PRDM16: variants seen among roughly 807,000 people sequenced by gnomAD.
PRDM16 encodes the protein histone-lysine N-methyltransferase PRDM16.
PRDM16 carries 23 observed loss-of-function variants against 110.6 expected under a neutral mutation model. The observed-to-expected ratio is 0.21, with a 90% CI of 0.15 to 0.29. The LOEUF is 0.29. Among genes scored for constraint, PRDM16 ranks in the 10% least tolerant of loss-of-function variants. The pLI is 1.00. For synonymous variants in PRDM16, 799 were observed against 781.8 expected, an observed-to-expected ratio of 1.02 and a Z score of -0.37; for missense variants, 1,615 against 1,794.3, an observed-to-expected ratio of 0.90 and a Z score of 1.81.
rs1397643261 is a variant in PRDM16, at chr1:3,350,243, T to C, written c.439-34909T>C. ...CAGGAGGCTGAGGCAGGAGGATCGCTTGAGCTCAGGAGGTCCGGGCTACAG... is the reference window on the plus strand; with the variant it reads ...CAGGAGGCTGAGGCAGGAGGATCGCCTGAGCTCAGGAGGTCCGGGCTACAG... On this transcript the variant is annotated intron_variant, in intron 3 of 16. Transcript: ENST00000270722. The surrounding 1 kb of genome is among the most constrained non-coding windows in gnomAD (Gnocchi z 7.1). Among the ~76,000 whole-genome samples the C allele has an allele frequency of 6.6e-6, 1 of 152,198 alleles. No homozygotes were observed. Among genetic ancestry groups the C allele is most frequent in the Non-Finnish European group, 1.5e-5 (1 of 68,018 alleles).
intron 14 of PRDM16, among the ~76,000 whole-genome samples, chr1:3,426,962 G>A (rs1330101853): frequency 1.2e-5 from 1 of 85,460 alleles, no homozygotes. Flanking sequence ...ACATGTGCGT[G>A]CATAAACATG....
At chr1:3,385,373 A>G (rs1643178502) in intron 4 of PRDM16, 87 bp downstream of exon 4, 1 of 1,468,748 alleles carries the variant, frequency 6.8e-7, no homozygotes, top group African/African-American at 1.4e-5. Context: ...TGCCGAGGCA[A>G]GGGTTGTCTG....
At chr1:3,136,850 G>T (rs2100694005) in intron 1 of PRDM16, among the ~76,000 whole-genome samples, 1 of 152,330 alleles carries the variant, frequency 6.6e-6, no homozygotes, top group East Asian at 1.9e-4. Context: ...TGGGGGTCCG[G>T]GATGCTGGGA....
chr1:3,107,301 C>T (rs988141489), intron 1 of PRDM16, among the ~76,000 whole-genome samples: 16 of 152,164 alleles, frequency 1.1e-4, no homozygotes, highest in Admixed American at 3.3e-4. Flanking sequence ...GCTAGGCTTT[C>T]GGGCTTGGGC....
chr1:3,343,735 C>T lies in PRDM16; in HGVS notation c.439-41417C>T, dbSNP rs72849613. On this transcript the variant is annotated intron_variant, in intron 3 of 16. Transcript: ENST00000270722. ...TACAAGCTCCGCCTCCCGGGTTCTC[C>T]GCCTCCGCCATTCTCCTGCCTCAGC... Among the ~76,000 whole-genome samples the T allele has an allele frequency of 1.3e-3, 195 of 152,034 alleles. 1 individual carries two copies. The highest frequency in any genetic ancestry group is 4.4e-3 in the African/African-American group (183 of 41,446).
At chr1:3,257,921 C>T (rs1327074518) in intron 3 of PRDM16, among the ~76,000 whole-genome samples, 2 of 152,228 alleles carry the variant, frequency 1.3e-5, no homozygotes, top group African/African-American at 4.8e-5. Context: ...ACAGGGACAG[C>T]TGTGTCTAGG....
chr1:3,169,815 C>T (rs922177581), intron 1 of PRDM16, among the ~76,000 whole-genome samples: 2 of 152,208 alleles, frequency 1.3e-5, no homozygotes, highest in Non-Finnish European at 2.9e-5. Context: ...GGGCCCTCTC[C>T]CCTGGCTGCC....
intron 1 of PRDM16, among the ~76,000 whole-genome samples, chr1:3,181,146 ACACG>A (rs1644160838): frequency 7.1e-6 from 1 of 140,088 alleles, no homozygotes; most frequent in African/African-American, 2.7e-5. Context: ...GCGGTCTTAC[ACACG>A]CAGTCTTACA....
At chr1:3,241,991 A>G (rs747754866) in intron 2 of PRDM16, among the ~76,000 whole-genome samples, 1 of 152,262 alleles carries the variant, frequency 6.6e-6, no homozygotes, top group Middle Eastern at 3.4e-3. Context: ...CCTGCCTGGG[A>G]GTGATCGTGG....
chr1:3,226,785 G>A (rs1224574383), intron 2 of PRDM16, among the ~76,000 whole-genome samples: 1 of 152,188 alleles, frequency 6.6e-6, no homozygotes, highest in African/African-American at 2.4e-5. Flanking sequence ...TCGCAGGACT[G>A]GGTCCCCGCA....
chr1:3,141,213 A>C (rs1643543667), intron 1 of PRDM16, among the ~76,000 whole-genome samples: 2 of 152,148 alleles, frequency 1.3e-5, no homozygotes, highest in Non-Finnish European at 2.9e-5. Context: ...ATTTAGACTT[A>C]TGGGCCAATT....
rs1024033048 is a variant in PRDM16, at chr1:3,236,057, C to T, written c.388-8030C>T. On this transcript the variant is annotated intron_variant, in intron 2 of 16. Transcript: ENST00000270722. ...CTGGAAAGGGATAGCATGGCGGGGG[C>T]AGTATCCAGAGAGCAGGCATCCCTG... 2.0e-5 allele frequency among the ~76,000 whole-genome samples: 3 copies of T among 152,104 alleles called. No homozygotes were observed. In the East Asian group the frequency reaches 5.8e-4, roughly 29 times the overall value.
intron 1 of PRDM16, among the ~76,000 whole-genome samples, chr1:3,098,001 G>A (rs1008973159): frequency 6.6e-6 from 1 of 152,166 alleles, no homozygotes; most frequent in African/African-American, 2.4e-5. Context: ...CAGGGCAGGT[G>A]TCCAATGGTG....
intron 1 of PRDM16, among the ~76,000 whole-genome samples, chr1:3,177,584 C>T (rs559629846): frequency 5.9e-5 from 9 of 152,220 alleles, no homozygotes; most frequent in Admixed American, 3.9e-4. Flanking sequence ...CTGCATGCTC[C>T]GCGGCCCAGT....
chr1:3,274,888 G>A (rs1269265622), intron 3 of PRDM16, among the ~76,000 whole-genome samples: 4 of 152,206 alleles, frequency 2.6e-5, no homozygotes, highest in Non-Finnish European at 5.9e-5. Context: ...TGAGACAGCC[G>A]GCTTTGGACA....
Position 3,432,072 on chromosome 1 carries a change from G to C in PRDM16, c.3628G>C (p.Asp1210His), listed in dbSNP as rs372241788. The C allele has an allele frequency of 6.8e-6, 11 of 1,613,982 alleles. No homozygotes were observed. The highest frequency in any genetic ancestry group is 9.3e-6 in the Non-Finnish European group (11 of 1,180,024). Residue 1210 changes from aspartate (D) to histidine (H), a missense_variant, in exon 16 of 17, where the codon GAT (aspartate) becomes CAT (histidine). Physicochemically the swap from Asp to His is moderately conservative, Grantham distance 81. This residue lies in a region of PRDM16 where 327 missense variants were observed against 359.3 expected (regional missense o/e 0.91). Coordinates refer to ENST00000270722, the MANE Select transcript of PRDM16 (RefSeq NM_022114.4). Reference sequence around the variant, plus strand: ...AGCTGAGGAAGCATTTGAAGTTAAAGATGTGCTTAATTCCACCTTAGATTC... The same window carrying C: ...AGCTGAGGAAGCATTTGAAGTTAAACATGTGCTTAATTCCACCTTAGATTC... ...RAAEEAFEVK[D>H]VLNSTLDSEA...
chr1:3,091,718 G>A lies in PRDM16; in HGVS notation c.37+22422G>A, dbSNP rs1027801929. On this transcript the variant is annotated intron_variant, in intron 1 of 16. Transcript: ENST00000270722. ...CCATGATCACCCCACAGCCCTGCGG[G>A]GAGGGGATGGAGCTGTCCCTCCATA... Among the ~76,000 whole-genome samples, 3 of 152,168 alleles carry A rather than the reference G, an allele frequency of 2.0e-5. No homozygotes were observed. The East Asian group carries it at 5.8e-4, about 29-fold the overall frequency.
intron 2 of PRDM16, among the ~76,000 whole-genome samples, chr1:3,192,444 C>G (rs548320452): frequency 6.6e-6 from 1 of 152,304 alleles, no homozygotes; most frequent in South Asian, 2.1e-4. Flanking sequence ...ATCCAGACCT[C>G]ATGCTCTGGC....
At chr1:3,173,889 C>A (rs1644056800) in intron 1 of PRDM16, among the ~76,000 whole-genome samples, 1 of 152,218 alleles carries the variant, frequency 6.6e-6, no homozygotes, top group South Asian at 2.1e-4. Context: ...TTCAGGGCAC[C>A]AGGAGCACGT....
Sources: allele counts gnomAD v4.1 joint callset (sites outside exome capture counted in the v4.1 genomes callset), GRCh38; gene constraint gnomAD v4.1.1; regional missense constraint gnomAD v4.1.1; non-coding constraint Gnocchi (gnomAD v3.1); transcripts MANE v1.5; gene names NCBI Gene and HGNC (gene_info 2026-07-23, HGNC 2026-07-21).